The following CCDC7 variants were observed in gnomAD, a reference collection of about 807,000 sequenced individuals.
CCDC7 encodes coiled-coil domain containing 7.
In CCDC7, 183 loss-of-function variants were observed where a neutral mutation model predicts 196.9. The observed-to-expected ratio is 0.93, with a 90% CI of 0.82 to 1.05. The LOEUF is 1.05. Among genes scored for constraint, CCDC7 ranks in the 50% least tolerant of loss-of-function variants. The pLI is 0.00. For synonymous variants in CCDC7, 525 were observed against 484.6 expected, an observed-to-expected ratio of 1.08 and a Z score of -1.10; for missense variants, 1,540 against 1,482.2, an observed-to-expected ratio of 1.04 and a Z score of -0.64.
intron 21 of CCDC7, among the ~76,000 whole-genome samples, chr10:32,676,363 A>G (rs1358446184): frequency 6.6e-6 from 1 of 152,072 alleles, no homozygotes; most frequent in Non-Finnish European, 1.5e-5. Flanking sequence ...GCCAAAATTG[A>G]CAAATGGGAT....
intron 23 of CCDC7, among the ~76,000 whole-genome samples, chr10:32,690,257 C>G (rs2076931768): frequency 6.6e-6 from 1 of 152,118 alleles, no homozygotes; most frequent in Non-Finnish European, 1.5e-5. Context: ...ATGATATAAT[C>G]AATATAATGA....
At chr10:32,656,483 C>T (rs938389824) in intron 20 of CCDC7, among the ~76,000 whole-genome samples, 1 of 152,178 alleles carries the variant, frequency 6.6e-6, no homozygotes, top group Non-Finnish European at 1.5e-5. Flanking sequence ...GAAGGGGAAG[C>T]AAACACATCC....
intron 41 of CCDC7, among the ~76,000 whole-genome samples, chr10:32,862,414 C>T (rs1373803800): frequency 1.1e-4 from 7 of 62,312 alleles, no homozygotes; most frequent in African/African-American, 3.2e-4. Flanking sequence ...TGGGGCTTGT[C>T]GGGGGTTGGG....
At position 32,505,750 on chromosome 10, in the gene CCDC7, C is replaced by T. The variant is rs529156958; in HGVS notation, c.873-12195C>T. ...GGGGCGGCTGGGCAGAGGCGCTTCT[C>T]ACTTCCCAGACGGGGCGGCCGGGCA... On this transcript the variant is annotated intron_variant, in intron 9 of 41. Coordinates refer to ENST00000639629, the Ensembl canonical transcript of CCDC7. 2.0e-5 allele frequency among the ~76,000 whole-genome samples: 3 copies of T among 152,284 alleles called. No homozygotes were observed. In the East Asian group the frequency reaches 5.8e-4, roughly 29 times the overall value.
At chr10:32,676,335 A>G (rs2074966162) in intron 21 of CCDC7, among the ~76,000 whole-genome samples, 1 of 152,070 alleles carries the variant, frequency 6.6e-6, no homozygotes, top group African/African-American at 2.4e-5. Flanking sequence ...CTAAAACACC[A>G]AAAGCAATGG....
rs553262132 is a variant in CCDC7, at chr10:32,641,636, CCTT to C, written c.2014+6484_2014+6486del. On this transcript the variant is annotated intron_variant, in intron 20 of 41. Coordinates refer to ENST00000639629, the Ensembl canonical transcript of CCDC7. Reference sequence around the variant, plus strand: ...CTTGGAGTAGTTTGATCGTCTGAAGCCTTCTTCTCTCAACTCGTCAAAGTCATT... The same window carrying C: ...CTTGGAGTAGTTTGATCGTCTGAAGCCTTCTCTCAACTCGTCAAAGTCATT... Among the ~76,000 whole-genome samples the C allele has an allele frequency of 8.9e-4, 135 of 152,302 alleles. 1 individual carries two copies. Among genetic ancestry groups the C allele is most frequent in the African/African-American group, 2.9e-3 (120 of 41,564 alleles).
intron 28 of CCDC7, among the ~76,000 whole-genome samples, chr10:32,773,272 C>A (rs1458729232): frequency 3.3e-5 from 5 of 152,126 alleles, no homozygotes; most frequent in Admixed American, 3.3e-4. Flanking sequence ...AGGCCTTTTT[C>A]TCTCTTCTAT....
chr10:32,728,844 T>A (rs1472640293), intron 26 of CCDC7, 43 bp from the exon 28 acceptor site: 2 of 1,112,462 alleles, frequency 1.8e-6, no homozygotes, highest in African/African-American at 3.1e-5. Flanking sequence ...CATTCATAGA[T>A]TTATGTTTCC....
intron 13 of CCDC7, among the ~76,000 whole-genome samples, chr10:32,553,714 A>G (rs929985589): frequency 6.6e-6 from 1 of 152,100 alleles, no homozygotes; most frequent in African/African-American, 2.4e-5. Flanking sequence ...CAGTGAGTCT[A>G]CCTGGCTCTG....
rs2056499625 is a variant in CCDC7, at chr10:32,564,819, C to T, written c.1135-739C>T. 2.0e-5 allele frequency among the ~76,000 whole-genome samples: 3 copies of T among 151,718 alleles called. No homozygotes were observed. In the South Asian group the frequency reaches 6.2e-4, roughly 32 times the overall value. ...AAGTATAAAAAAAAAAAAGAATCTA[C>T]CTACACTTGGCTGGGTGTGTGGTGG... On this transcript the variant is annotated intron_variant, in intron 13 of 41. Transcript: ENST00000639629.
chr10:32,651,980 T>C (rs2068843667), intron 20 of CCDC7, among the ~76,000 whole-genome samples: 1 of 152,216 alleles, frequency 6.6e-6, no homozygotes, highest in African/African-American at 2.4e-5. Flanking sequence ...AGTTTCTTTG[T>C]TGATTTTTTG....
intron 29 of CCDC7, among the ~76,000 whole-genome samples, chr10:32,804,270 T>TA (rs947656554): frequency 6.6e-6 from 1 of 152,256 alleles, no homozygotes; most frequent in Admixed American, 6.5e-5. Context: ...TTCCTGTTAT[T>TA]AAACATGGTT....
chr10:32,874,422 C>G (rs1301826961), intron 41 of CCDC7, among the ~76,000 whole-genome samples: 1 of 151,252 alleles, frequency 6.6e-6, no homozygotes, highest in East Asian at 1.9e-4. Context: ...GTTTTTCATC[C>G]CTCACCCACC....
chr10:32,593,762 C>T (rs1359688163), intron 18 of CCDC7, among the ~76,000 whole-genome samples: 11 of 152,272 alleles, frequency 7.2e-5, no homozygotes, highest in Admixed American at 2.0e-4. Context: ...CAGCTTTCTA[C>T]GTATGGCTAG....
At chr10:32,578,323 C>A (rs187791394) in intron 16 of CCDC7, among the ~76,000 whole-genome samples, 1 of 152,114 alleles carries the variant, frequency 6.6e-6, no homozygotes, top group East Asian at 1.9e-4. Flanking sequence ...GAAGACTCCA[C>A]AGACCAGGAT....
upstream of CCDC7, among the ~76,000 whole-genome samples, chr10:32,444,342 C>T (rs1189247656): frequency 2.0e-5 from 3 of 152,192 alleles, no homozygotes; most frequent in Non-Finnish European, 2.9e-5. Context: ...ATATTACATG[C>T]TTAAATTTAT....
chr10:32,529,224 G>C (rs770543725), intron 11 of CCDC7, among the ~76,000 whole-genome samples: 1 of 152,046 alleles, frequency 6.6e-6, no homozygotes, highest in Non-Finnish European at 1.5e-5. Context: ...GGTTTCACAT[G>C]TTGGCCAGGC....
intron 18 of CCDC7, among the ~76,000 whole-genome samples, chr10:32,630,295 A>C (rs936707274): frequency 1.3e-5 from 2 of 152,060 alleles, no homozygotes; most frequent in African/African-American, 4.8e-5. Flanking sequence ...ACATATGGAA[A>C]TATATATATG....
intron 26 of CCDC7, 136 bp downstream of exon 27, chr10:32,726,968 A>G (rs1465605593): frequency 7.2e-6 from 4 of 554,432 alleles, no homozygotes; most frequent in Admixed American, 6.9e-5. Context: ...AAGTCTTAAG[A>G]TAAGTAGAGA....
Sources: gnomAD v4.1 joint callset for allele counts (sites outside exome capture counted in the v4.1 genomes callset) on GRCh38, gnomAD v4.1.1 for gene constraint, MANE v1.5 for transcripts, NCBI Gene and HGNC (gene_info 2026-07-23, HGNC 2026-07-21) for gene names.